The following ZNF705G variants were observed in gnomAD, a reference collection of about 807,000 sequenced individuals.
The protein encoded by ZNF705G is putative zinc finger protein 705G.
A neutral mutation model predicts 19.6 loss-of-function variants in ZNF705G; 23 were observed. That is an observed-to-expected ratio of 1.17 (90% confidence interval 0.84 to 1.66). The LOEUF (loss-of-function observed/expected upper bound fraction) is 1.66, where lower values mean the gene tolerates loss of function less well. Ranked by LOEUF, ZNF705G falls within the 40% of genes most tolerant of loss-of-function variation. The pLI, the probability that ZNF705G is intolerant of heterozygous loss-of-function variation, is 0.00. For synonymous variants in ZNF705G, 146 were observed against 117.7 expected, an observed-to-expected ratio of 1.24 and a Z score of -1.56; for missense variants, 457 against 354.4, an observed-to-expected ratio of 1.29 and a Z score of -2.32.
At chr8:7,359,394 G>A (rs574963391) in intron 6 of ZNF705G, among the ~76,000 whole-genome samples, 2 of 149,812 alleles carry the variant, frequency 1.3e-5, no homozygotes, top group South Asian at 2.1e-4. Context: ...CGATGACTGG[G>A]CATGAGCAAT....
In ZNF705G at chr8:7,358,951, T is replaced by C. The variant is rs1166097732; in HGVS notation, c.319-391A>G. Among the ~76,000 whole-genome samples the C allele has an allele frequency of 6.7e-5, 10 of 149,752 alleles. 1 individual carries two copies. The South Asian group carries it at 1.0e-3, about 16-fold the overall frequency. On this transcript the variant is annotated intron_variant, in intron 6 of 6. Coordinates refer to ENST00000400156, the MANE Select transcript of ZNF705G (RefSeq NM_001164457.3). ...CCAGTTCACCAGGCACAAATGCATA[T>C]TGATTGTCTCCCTGCCCCATTTTGC...
chr8:7,364,236 CA>C (rs1306997506), intron 2 of ZNF705G, among the ~76,000 whole-genome samples: 6 of 149,218 alleles, frequency 4.0e-5, no homozygotes, highest in African/African-American at 7.7e-5. Flanking sequence ...GTGTTTGAGA[CA>C]GGGGGAAACA....
chr8:7,366,005 G>A (rs540822367), intron 2 of ZNF705G, among the ~76,000 whole-genome samples: 4 of 149,602 alleles, frequency 2.7e-5, no homozygotes, highest in East Asian at 1.9e-4. Context: ...GCTATACAAT[G>A]TTGAATGACA....
At chr8:7,378,765 G>C (rs1363009976) in intron 2 of ZNF705G, among the ~76,000 whole-genome samples, 1 of 144,766 alleles carries the variant, frequency 6.9e-6, no homozygotes, top group Non-Finnish European at 1.5e-5. Context: ...CCATTTTTTA[G>C]GACTCATGAT....
At chr8:7,365,593 C>T (rs968880793) in intron 2 of ZNF705G, among the ~76,000 whole-genome samples, 3 of 149,314 alleles carry the variant, frequency 2.0e-5, no homozygotes, top group Non-Finnish European at 2.9e-5. Context: ...TGGTCTAAAA[C>T]TCCTGACCTC....
intron 2 of ZNF705G, among the ~76,000 whole-genome samples, chr8:7,369,276 T>A (rs1455165870): frequency 6.7e-6 from 1 of 149,564 alleles, no homozygotes; most frequent in African/African-American, 2.6e-5. Context: ...TGCCTGGATT[T>A]CTAAAGATGT....
At chr8:7,384,375 A>G (rs1807638697) in intron 1 of ZNF705G, among the ~76,000 whole-genome samples, 1 of 145,708 alleles carries the variant, frequency 6.9e-6, no homozygotes, top group South Asian at 2.1e-4. Flanking sequence ...GGATCACCAC[A>G]AGAGTTTCAA....
At chr8:7,368,617 A>C (rs2128841222) in intron 2 of ZNF705G, among the ~76,000 whole-genome samples, 1 of 150,028 alleles carries the variant, frequency 6.7e-6, no homozygotes, top group East Asian at 1.9e-4. Context: ...TGGGTAACTA[A>C]AAGGAAAGCA....
At chr8:7,379,815 G>A (rs1807407854) in intron 2 of ZNF705G, among the ~76,000 whole-genome samples, 1 of 147,164 alleles carries the variant, frequency 6.8e-6, no homozygotes, top group African/African-American at 2.7e-5. Context: ...AGAAGGAGTT[G>A]GCACTGGATC....
chr8:7,385,132 G>A (rs1807670971), intron 1 of ZNF705G, among the ~76,000 whole-genome samples: 1 of 148,090 alleles, frequency 6.8e-6, no homozygotes, highest in South Asian at 2.1e-4. Context: ...TGCATAAAAG[G>A]TTGTCTGAAT....
At chr8:7,359,895 G>A (rs1363404269) in intron 5 of ZNF705G, among the ~76,000 whole-genome samples, 194 bp from the exon 6 acceptor site, 1 of 149,580 alleles carries the variant, frequency 6.7e-6, no homozygotes, top group Non-Finnish European at 1.5e-5. Context: ...AAATTAAAAT[G>A]TGAAAAGAGT....
chr8:7,363,564 T>C (rs1398672801), intron 2 of ZNF705G, among the ~76,000 whole-genome samples: 9 of 149,770 alleles, frequency 6.0e-5, no homozygotes, highest in Non-Finnish European at 1.2e-4. Flanking sequence ...CTCACGCCTG[T>C]AATCCCAGCA....
intron 2 of ZNF705G, among the ~76,000 whole-genome samples, chr8:7,380,334 T>A (rs1335259975): frequency 6.8e-6 from 1 of 147,334 alleles, no homozygotes; most frequent in Non-Finnish European, 1.5e-5. Context: ...AGGCTGGGGA[T>A]CAACCCACAC....
At chr8:7,366,834 A>C (rs1806879487) in intron 2 of ZNF705G, among the ~76,000 whole-genome samples, 1 of 149,546 alleles carries the variant, frequency 6.7e-6, no homozygotes, top group Admixed American at 6.6e-5. Flanking sequence ...GCCCAACACG[A>C]TTTTCTGTGA....
At chr8:7,358,609 A>G (rs1806409149) in intron 6 of ZNF705G, 49 bp from the exon 7 acceptor site, 4 of 1,602,558 alleles carry the variant, frequency 2.5e-6, no homozygotes, top group South Asian at 1.1e-5. Flanking sequence ...ACATATATCT[A>G]TACATTCATT....
rs762545421 is a variant in ZNF705G at position 7,358,027 on chromosome 8, A to C, written c.852T>G (p.His284Gln). 1.9e-6 allele frequency: 3 copies of C among 1,608,956 alleles called. No homozygotes were observed. Among genetic ancestry groups the C allele is most frequent in the South Asian group, 2.2e-5 (2 of 90,780 alleles). ...AGGCCTTCCCACATAGAAGACAAGC[A>C]TGTGGTTTCTCTCCAGTGTGAATTA... ...NKIIHTGEKP[H>Q]ACLLCGKAFS... Residue 284 changes from histidine (H) to glutamine (Q), a missense_variant, in exon 7 of 7, where the codon CAT becomes CAG. Transcript: ENST00000400156.
At position 7,355,778 on chromosome 8, in the gene ZNF705G, A is replaced by G. The variant is rs955344625; in HGVS notation, c.*2198T>C. On this transcript the variant is annotated 3_prime_UTR_variant, in exon 7 of 7. Transcript: ENST00000400156. ...GTCACAGTTTGTGGGTAAATTACAT[A>G]TTTAATTAAATAGATTAAACAATAA... The G allele has an allele frequency of 1.7e-4, 25 of 149,680 alleles. 3 individuals carry two copies. The highest frequency in any genetic ancestry group is 6.1e-4 in the African/African-American group (24 of 39,086). The allele number at this position is 149,680 out of a possible 1,614,324, so 9.3% of individuals were successfully genotyped here. A position where few individuals can be genotyped will look rare whatever the true frequency, so the allele number is the denominator to read the frequency against.
Position 7,357,706 on chromosome 8 carries a change from G to T in ZNF705G, c.*270C>A, listed in dbSNP as rs985653199. On this transcript the variant is annotated 3_prime_UTR_variant, in exon 7 of 7. Coordinates refer to ENST00000400156, the MANE Select transcript of ZNF705G (RefSeq NM_001164457.3). ...GGACTGAAGAATAAAGGTAACTGAA[G>T]TATCTTCCATGTTGATTACAGTATT... 2 of 599,844 alleles carry T rather than the reference G, an allele frequency of 3.3e-6. No individual in the cohort carries two copies. Among genetic ancestry groups the T allele is most frequent in the African/African-American group, 4.1e-5 (2 of 48,964 alleles). 37.2% of individuals were successfully genotyped at this position (599,844 alleles called of 1,614,324 possible). A position where few individuals can be genotyped will look rare whatever the true frequency, so the allele number is the denominator to read the frequency against.
At chr8:7,382,341 G>C (rs1342196801) in intron 1 of ZNF705G, among the ~76,000 whole-genome samples, 1 of 147,308 alleles carries the variant, frequency 6.8e-6, no homozygotes, top group African/African-American at 2.7e-5. Context: ...CAAATAGAAA[G>C]TCTTCACAAT....
Sources: allele counts gnomAD v4.1 joint callset (sites outside exome capture counted in the v4.1 genomes callset), GRCh38; gene constraint gnomAD v4.1.1; transcripts MANE v1.5; gene names NCBI Gene and HGNC (gene_info 2026-07-23, HGNC 2026-07-21).